The following VPS13B variants were observed in gnomAD, a reference collection of about 807,000 sequenced individuals.
The protein encoded by VPS13B is vacuolar protein sorting 13 homolog B.
Under a neutral mutation model 426.4 loss-of-function variants are expected in VPS13B, and 285 were observed. That is an observed-to-expected ratio of 0.67 (90% confidence interval 0.61 to 0.74). The LOEUF is 0.74. Among genes scored for constraint, VPS13B ranks in the 30% least tolerant of loss-of-function variants. VPS13B has a pLI of 0.00. For synonymous variants in VPS13B, 1,676 were observed against 1,676.4 expected, an observed-to-expected ratio of 1.00 and a Z score of 0.01; for missense variants, 4,537 against 4,782.6, an observed-to-expected ratio of 0.95 and a Z score of 1.51.
intron 15 of VPS13B, among the ~76,000 whole-genome samples, chr8:99,160,469 A>G (rs551564376): frequency 6.6e-6 from 1 of 152,108 alleles, no homozygotes; most frequent in East Asian, 1.9e-4. Context: ...GACCCCCCTG[A>G]GCAAAGTGGT....
At chr8:99,548,982 A>G (rs1330134980) in intron 30 of VPS13B, among the ~76,000 whole-genome samples, 2 of 152,106 alleles carry the variant, frequency 1.3e-5, no homozygotes, top group Non-Finnish European at 2.9e-5. Flanking sequence ...AATAAGCTAA[A>G]TGGTCTACCT....
intron 51 of VPS13B, among the ~76,000 whole-genome samples, chr8:99,828,306 C>G (rs1414097065): frequency 6.6e-6 from 1 of 150,974 alleles, no homozygotes; most frequent in Non-Finnish European, 1.5e-5. Flanking sequence ...ACATTGATCC[C>G]TTTACCATTA....
chr8:99,426,044 A>G (rs1360220552), intron 21 of VPS13B, among the ~76,000 whole-genome samples: 2 of 143,742 alleles, frequency 1.4e-5, no homozygotes, highest in Non-Finnish European at 3.0e-5. Flanking sequence ...TATATCTACC[A>G]ATGCTATCCC....
At chr8:99,505,950 A>G (rs1386819508) in intron 27 of VPS13B, among the ~76,000 whole-genome samples, 4 of 152,204 alleles carry the variant, frequency 2.6e-5, no homozygotes, top group African/African-American at 9.6e-5. Context: ...TAAGATGACA[A>G]ATCTGTTCAT....
At chr8:99,132,660 A>G (rs1453285402) in intron 8 of VPS13B, among the ~76,000 whole-genome samples, 1 of 151,714 alleles carries the variant, frequency 6.6e-6, no homozygotes, top group Non-Finnish European at 1.5e-5. Context: ...AAATAATAAG[A>G]CTTGAACATC....
intron 21 of VPS13B, chr8:99,424,615 C>G (rs1816584094): frequency 6.6e-6 from 1 of 152,118 alleles, no homozygotes; most frequent in Non-Finnish European, 1.5e-5. Flanking sequence ...CAGGAAAGAT[C>G]TAAAATTGAC....
chr8:99,234,415 C>T (rs1588161306), intron 17 of VPS13B: 7 of 681,132 alleles, frequency 1.0e-5, no homozygotes, highest in East Asian at 3.2e-5. Context: ...TTTTAGAGAC[C>T]GAGTAATCAA....
intron 39 of VPS13B, among the ~76,000 whole-genome samples, chr8:99,742,587 G>A (rs142454020): frequency 0.032 from 4,880 of 152,166 alleles, 142 homozygotes; most frequent in Non-Finnish European, 0.043. Context: ...TAAAATACTG[G>A]CAAACCGTAT....
intron 20 of VPS13B, among the ~76,000 whole-genome samples, chr8:99,387,638 C>T (rs1043286514): frequency 6.6e-6 from 1 of 152,062 alleles, no homozygotes; most frequent in Admixed American, 6.6e-5. Context: ...AATGTTCCCC[C>T]TGCCCCACCC....
chr8:99,275,168 G>A lies in VPS13B; in HGVS notation c.2738G>A (p.Ser913Asn). 2 of 1,612,970 alleles carry A rather than the reference G, an allele frequency of 1.2e-6. No homozygotes were observed. The highest frequency in any genetic ancestry group is 1.1e-5 in the South Asian group (1 of 90,950). Reference protein sequence around the residue: ...DLHSTKWLNESRKPESLLAPD... With the variant: ...DLHSTKWLNENRKPESLLAPD... ...CATAGCACCAAGTGGCTCAATGAGAGTAGAAAGCCAGAGTCTCTCTTAGCT... is the reference window on the plus strand; with the variant it reads ...CATAGCACCAAGTGGCTCAATGAGAATAGAAAGCCAGAGTCTCTCTTAGCT... Residue 913 changes from serine to asparagine, a missense_variant, in exon 19 of 62, where the codon AGT becomes AAT. Ser to Asn is a conservative substitution (Grantham distance 46, BLOSUM62 1). Transcript: ENST00000357162.
intron 21 of VPS13B, among the ~76,000 whole-genome samples, chr8:99,429,848 C>G (rs1443311108): frequency 3.9e-5 from 6 of 152,174 alleles, no homozygotes; most frequent in Non-Finnish European, 2.9e-5. Flanking sequence ...ATCTGTTATT[C>G]TGTCCCAGTT....
chr8:99,224,538 G>C (rs1815906528), intron 17 of VPS13B, among the ~76,000 whole-genome samples: 2 of 152,046 alleles, frequency 1.3e-5, no homozygotes, highest in Non-Finnish European at 2.9e-5. Context: ...TTAATCATAA[G>C]ACTATAGCTA....
At chr8:99,029,546 T>C (rs1190757424) in intron 2 of VPS13B, among the ~76,000 whole-genome samples, 4 of 151,332 alleles carry the variant, frequency 2.6e-5, no homozygotes, top group Non-Finnish European at 5.9e-5. Flanking sequence ...CCGAGGCTGG[T>C]GGATCACTCG....
At chr8:99,051,576 A>G (rs1330108963) in intron 3 of VPS13B, among the ~76,000 whole-genome samples, 2 of 152,162 alleles carry the variant, frequency 1.3e-5, no homozygotes, top group Non-Finnish European at 1.5e-5. Flanking sequence ...GAAAGTCATC[A>G]GTAGCTTGAT....
chr8:99,737,221 T>C (rs112149962), intron 39 of VPS13B, among the ~76,000 whole-genome samples: 8,370 of 142,004 alleles, frequency 0.059, 311 homozygotes, highest in African/African-American at 0.11. Context: ...CCCGGGTTCA[T>C]GCCATTCTCC....
intron 19 of VPS13B, among the ~76,000 whole-genome samples, chr8:99,295,313 G>A (rs1021681642): frequency 1.3e-5 from 2 of 152,104 alleles, no homozygotes; most frequent in African/African-American, 4.8e-5. Flanking sequence ...AATGAAATAA[G>A]TATCTTTTGA....
chr8:99,416,362 G>T (rs545198702), intron 21 of VPS13B, among the ~76,000 whole-genome samples: 1 of 152,166 alleles, frequency 6.6e-6, no homozygotes, highest in African/African-American at 2.4e-5. Flanking sequence ...GCTCCGTGGG[G>T]GTGGGATCTG....
At chr8:99,098,478 T>G (rs1295802399) in intron 4 of VPS13B, among the ~76,000 whole-genome samples, 4 of 152,194 alleles carry the variant, frequency 2.6e-5, no homozygotes, top group African/African-American at 9.6e-5. Flanking sequence ...TGGCATACAA[T>G]CCTGTTGTAT....
chr8:99,093,002 T>A (rs933950082), intron 3 of VPS13B, among the ~76,000 whole-genome samples: 1 of 152,104 alleles, frequency 6.6e-6, no homozygotes, highest in Admixed American at 6.6e-5. Context: ...TATACTTTGG[T>A]ATATTTTATA....
Sources: allele counts gnomAD v4.1 joint callset (sites outside exome capture counted in the v4.1 genomes callset), GRCh38; gene constraint gnomAD v4.1.1; transcripts MANE v1.5; gene names NCBI Gene and HGNC (gene_info 2026-07-23, HGNC 2026-07-21).